The following FGGY variants were observed in gnomAD, a reference collection of about 807,000 sequenced individuals.
FGGY encodes the protein FGGY carbohydrate kinase domain-containing protein.
In FGGY, 72 loss-of-function variants were observed where a neutral mutation model predicts 71.3. The ratio of observed to expected loss-of-function variants is 1.01; its 90% CI spans 0.84 to 1.23. The LOEUF (loss-of-function observed/expected upper bound fraction) is 1.23, where lower values mean the gene tolerates loss of function less well. Among genes scored for constraint, FGGY ranks in the 50% most tolerant of loss-of-function variants. FGGY has a pLI of 0.00. For missense variants in FGGY, 668 were observed against 682.3 expected (o/e 0.98, Z 0.23); for synonymous variants, 251 against 250.3 (o/e 1.00, Z -0.02).
intron 11 of FGGY, chr1:59,641,421 A>G: frequency 7.7e-7 from 1 of 1,298,842 alleles, no homozygotes; most frequent in Non-Finnish European, 1.1e-6. Flanking sequence ...TGCTATGTGC[A>G]GGCCTGTGCT....
intron 2 of FGGY, among the ~76,000 whole-genome samples, chr1:59,333,732 C>T (rs991848744): frequency 2.6e-5 from 4 of 152,186 alleles, no homozygotes; most frequent in African/African-American, 9.7e-5. Context: ...AGCCACGTAG[C>T]CATGGTGGCA....
At chr1:59,465,351 A>C (rs1386500452) in intron 6 of FGGY, among the ~76,000 whole-genome samples, 1 of 152,214 alleles carries the variant, frequency 6.6e-6, no homozygotes, top group Admixed American at 6.5e-5. Context: ...TTGATGGAAC[A>C]TATCTCAAAA....
At chr1:59,346,544 AT>A in intron 4 of FGGY, 146 bp downstream of exon 4, 1 of 877,580 alleles carries the variant, frequency 1.1e-6, no homozygotes, top group Non-Finnish European at 1.7e-6. Context: ...CATTTTATTG[AT>A]TACAGTGTAG....
At chr1:59,380,551 G>A (rs1424495121) in intron 5 of FGGY, among the ~76,000 whole-genome samples, 1 of 151,652 alleles carries the variant, frequency 6.6e-6, no homozygotes, top group African/African-American at 2.4e-5. Context: ...GGCCAGTGAT[G>A]ATGAGCATTT....
chr1:59,443,114 G>A (rs2070351173), intron 5 of FGGY, among the ~76,000 whole-genome samples: 1 of 152,072 alleles, frequency 6.6e-6, no homozygotes, highest in African/African-American at 2.4e-5. Flanking sequence ...CTGGGTACTG[G>A]GCTACACTAC....
chr1:59,381,172 C>A (rs1383368684), intron 5 of FGGY, among the ~76,000 whole-genome samples: 1 of 152,078 alleles, frequency 6.6e-6, no homozygotes, highest in African/African-American at 2.4e-5. Context: ...GGTACCAGTA[C>A]CATGCTGTTT....
At chr1:59,641,762 T>G (rs1162176499) in intron 11 of FGGY, among the ~76,000 whole-genome samples, 1 of 152,180 alleles carries the variant, frequency 6.6e-6, no homozygotes, top group Non-Finnish European at 1.5e-5. Context: ...GTATTCCCAA[T>G]TATATGATGA....
intron 8 of FGGY, among the ~76,000 whole-genome samples, chr1:59,563,124 C>T (rs1047878979): frequency 6.6e-6 from 1 of 152,098 alleles, no homozygotes; most frequent in Non-Finnish European, 1.5e-5. Flanking sequence ...CCAGAACTTC[C>T]AATAGTATGT....
intron 2 of FGGY, among the ~76,000 whole-genome samples, chr1:59,332,619 T>C (rs2048714431): frequency 6.6e-6 from 1 of 152,154 alleles, no homozygotes; most frequent in Non-Finnish European, 1.5e-5. Flanking sequence ...ACTCTTCCAG[T>C]TTCTTGTGAG....
At position 59,724,356 on chromosome 1, in the gene FGGY, T is replaced by A. The variant is rs561383022; in HGVS notation, c.1513-33575T>A. On this transcript the variant is annotated intron_variant, in intron 14 of 15. Transcript: ENST00000303721. ...AAAATTAGCCAGGCATGGTGGCAGG[T>A]GCCTGTAGTCCCAGCTACTCAGGAG... is the stretch of plus-strand genomic sequence containing the variant. Among the ~76,000 whole-genome samples, 291 of 147,044 alleles carry A rather than the reference T, an allele frequency of 2.0e-3. 1 individual carries two copies. The highest frequency in any genetic ancestry group is 2.9e-3 in the Non-Finnish European group (194 of 66,330).
intron 14 of FGGY, among the ~76,000 whole-genome samples, chr1:59,710,548 T>C (rs2097786625): frequency 6.6e-6 from 1 of 152,154 alleles, no homozygotes; most frequent in Admixed American, 6.5e-5. Flanking sequence ...AATCTATCCA[T>C]CTGAAAAATG....
intron 14 of FGGY, among the ~76,000 whole-genome samples, chr1:59,677,818 G>T (rs1023728132): frequency 1.3e-5 from 2 of 152,132 alleles, no homozygotes; most frequent in Non-Finnish European, 2.9e-5. Flanking sequence ...TCCTTCTTTT[G>T]TTCTTTTATC....
At chr1:59,622,010 TTCTC>T (rs1255457149) in intron 9 of FGGY, among the ~76,000 whole-genome samples, 7 of 151,680 alleles carry the variant, frequency 4.6e-5, no homozygotes, top group African/African-American at 2.4e-5. Context: ...CTCATTCATA[TTCTC>T]TCTCTCTCTT....
intron 1 of FGGY, among the ~76,000 whole-genome samples, chr1:59,303,962 AT>A (rs1437497956): frequency 6.6e-6 from 1 of 152,080 alleles, no homozygotes; most frequent in Non-Finnish European, 1.5e-5. Flanking sequence ...AGTTGTATAC[AT>A]TTTTAAAAAT....
In FGGY at chr1:59,563,302, A is replaced by C. The variant is rs59704462; in HGVS notation, c.903+9075A>C. On this transcript the variant is annotated intron_variant, in intron 8 of 15. Coordinates refer to ENST00000303721, the MANE Select transcript of FGGY (RefSeq NM_018291.5). ...ACCTAGTTTATGGATTGTTTTTAGC[A>C]TGAAGGGGTGTTGAATTTTATTGGA... Among the ~76,000 whole-genome samples, 1,069 of 152,264 alleles carry C rather than the reference A, an allele frequency of 7.0e-3. 11 individuals carry two copies. The highest frequency in any genetic ancestry group is 0.024 in the African/African-American group (1,001 of 41,564).
intron 8 of FGGY, among the ~76,000 whole-genome samples, chr1:59,591,108 A>T (rs532237106): frequency 1.3e-5 from 2 of 152,166 alleles, no homozygotes; most frequent in East Asian, 3.8e-4. Flanking sequence ...ATACAAAATC[A>T]ATGTGCAAAA....
intron 5 of FGGY, among the ~76,000 whole-genome samples, chr1:59,388,327 G>C (rs902939172): frequency 3.9e-5 from 6 of 152,054 alleles, no homozygotes; most frequent in Non-Finnish European, 8.8e-5. Context: ...TTAACACAGT[G>C]ACCCTTAAAA....
At chr1:59,315,025 A>G (rs2045156688) in intron 1 of FGGY, among the ~76,000 whole-genome samples, 1 of 152,064 alleles carries the variant, frequency 6.6e-6, no homozygotes, top group African/African-American at 2.4e-5. Flanking sequence ...CCACAGGTGA[A>G]CTTCTTGGTA....
intron 2 of FGGY, among the ~76,000 whole-genome samples, chr1:59,328,515 T>C (rs2047846077): frequency 6.6e-6 from 1 of 152,224 alleles, no homozygotes; most frequent in African/African-American, 2.4e-5. Context: ...CACTCAAATT[T>C]TCTCCATATC....
Sources: gnomAD v4.1 joint callset for allele counts (sites outside exome capture counted in the v4.1 genomes callset) on GRCh38, gnomAD v4.1.1 for gene constraint, MANE v1.5 for transcripts, NCBI Gene and HGNC (gene_info 2026-07-23, HGNC 2026-07-21) for gene names.